The following ST8SIA5 variants were observed in gnomAD, a reference collection of about 807,000 sequenced individuals.
ST8SIA5 encodes the protein alpha-2,8-sialyltransferase 8E.
ST8SIA5 carries 24 observed loss-of-function variants against 40.2 expected under a neutral mutation model. That is an observed-to-expected ratio of 0.60 (90% confidence interval 0.43 to 0.84). The LOEUF (loss-of-function observed/expected upper bound fraction) is 0.84, where lower values mean the gene tolerates loss of function less well. Ranked by LOEUF, ST8SIA5 falls within the 40% of genes least tolerant of loss-of-function variation. The pLI, the probability that ST8SIA5 is intolerant of heterozygous loss-of-function variation, is 0.00. For missense variants in ST8SIA5, 465 were observed against 498.5 expected, an observed-to-expected ratio of 0.93 and a Z score of 0.64; for synonymous variants, 198 against 201.8, an observed-to-expected ratio of 0.98 and a Z score of 0.16.
intron 1 of ST8SIA5, among the ~76,000 whole-genome samples, chr18:46,745,653 T>A (rs978593231): frequency 1.3e-5 from 2 of 152,204 alleles, no homozygotes; most frequent in Non-Finnish European, 2.9e-5. Context: ...GAGGAGCTGG[T>A]ACCATTCCTT....
chr18:46,718,343 AAAG>A (rs2039815046), intron 1 of ST8SIA5, among the ~76,000 whole-genome samples: 1 of 151,656 alleles, frequency 6.6e-6, no homozygotes, highest in African/African-American at 2.4e-5. Context: ...AAAAAAAAAA[AAAG>A]AAAAAAAATT....
chr18:46,755,046 G>A (rs1322139718), intron 1 of ST8SIA5, among the ~76,000 whole-genome samples: 3 of 152,238 alleles, frequency 2.0e-5, no homozygotes, highest in African/African-American at 7.2e-5. Context: ...ACAGCACTCA[G>A]GAGCTGCCAC....
intron 2 of ST8SIA5, among the ~76,000 whole-genome samples, chr18:46,703,543 C>G (rs1277172881): frequency 6.6e-6 from 1 of 152,102 alleles, no homozygotes; most frequent in Non-Finnish European, 1.5e-5. Flanking sequence ...CCAGAGTCAG[C>G]TTTAGATCTC....
intron 1 of ST8SIA5, among the ~76,000 whole-genome samples, chr18:46,726,850 G>A (rs1034898179): frequency 4.6e-5 from 7 of 152,264 alleles, no homozygotes; most frequent in South Asian, 2.1e-4. Context: ...CCCAGGAGGC[G>A]GAGGTTGCAG....
At chr18:46,693,180 A>G (rs1267569135) in intron 2 of ST8SIA5, among the ~76,000 whole-genome samples, 1 of 151,196 alleles carries the variant, frequency 6.6e-6, no homozygotes, top group African/African-American at 2.4e-5. Context: ...ATTAAAACAA[A>G]TCCCAGAAAC....
chr18:46,752,410 CA>C (rs910145040), intron 1 of ST8SIA5, among the ~76,000 whole-genome samples: 2 of 152,176 alleles, frequency 1.3e-5, no homozygotes, highest in African/African-American at 2.4e-5. Flanking sequence ...TTTGTTCAAT[CA>C]ATCAAAACAG....
chr18:46,682,634 G>T (rs1392745974), intron 5 of ST8SIA5, among the ~76,000 whole-genome samples: 2 of 152,232 alleles, frequency 1.3e-5, no homozygotes, highest in African/African-American at 4.8e-5. Flanking sequence ...CCTGGAACCT[G>T]TGACTATGCA....
rs375411804 is a variant in ST8SIA5 at position 46,680,213 on chromosome 18, G to A, written c.960C>T (p.Gly320=). The part of the protein sequence containing the change: ...LELCEEVHLF[G]FWAFPMNPSG... Reference sequence around the variant, plus strand: ...AGGGGTTCATGGGGAAGGCCCAGAAGCCAAAGAGGTGCACCTCCTCACAGA... The same window carrying A: ...AGGGGTTCATGGGGAAGGCCCAGAAACCAAAGAGGTGCACCTCCTCACAGA... Residue 320 remains glycine, a synonymous_variant, in exon 7 of 7, where the codon GGC becomes GGT. Coordinates refer to ENST00000315087, the MANE Select transcript of ST8SIA5 (RefSeq NM_013305.6). The A allele has an allele frequency of 5.0e-6, 8 of 1,614,108 alleles. No individual in the cohort carries two copies. The African/African-American group carries it at 8.0e-5, about 16-fold the overall frequency.
intron 1 of ST8SIA5, among the ~76,000 whole-genome samples, chr18:46,712,115 T>C (rs1476056194): frequency 1.3e-5 from 2 of 152,132 alleles, no homozygotes; most frequent in East Asian, 3.9e-4. Context: ...CCAGATCCAG[T>C]GTTTAACATA....
rs140318174 is a variant in ST8SIA5, at chr18:46,713,223, G to A, written c.132-8559C>T. ...CAAAGAAAGTGGGGAGAAGGAGACA[G>A]ACCCATGAAATAGTTTAGGAATGGA... On this transcript the variant is annotated intron_variant, in intron 1 of 6. Coordinates refer to ENST00000315087, the MANE Select transcript of ST8SIA5 (RefSeq NM_013305.6). Among the ~76,000 whole-genome samples the A allele has an allele frequency of 2.0e-5, 3 of 152,330 alleles. 1 individual carries two copies. The highest frequency in any genetic ancestry group is 4.1e-4 in the South Asian group (2 of 4,828).
intron 1 of ST8SIA5, among the ~76,000 whole-genome samples, chr18:46,710,547 T>C (rs1419350931): frequency 7.6e-6 from 1 of 131,938 alleles, no homozygotes; most frequent in African/African-American, 3.0e-5. Flanking sequence ...TCTTTCTCTC[T>C]TTTTTTTTTT....
rs1382097596 is a variant in ST8SIA5, at chr18:46,670,731, C to T, written c.*9311G>A. 6.6e-6 allele frequency: 1 copy of T among 151,930 alleles called. No homozygotes were observed. Among genetic ancestry groups the T allele is most frequent in the African/African-American group, 2.4e-5 (1 of 41,342 alleles). The allele number at this position is 151,930 out of a possible 1,614,324, so 9.4% of individuals were successfully genotyped here. Reference sequence around the variant, plus strand: ...ACAGATGTGAGCCACCATGCCTGGACATATTTTCTTATCCTTAATGTAGTG... The same window carrying T: ...ACAGATGTGAGCCACCATGCCTGGATATATTTTCTTATCCTTAATGTAGTG... On this transcript the variant is annotated 3_prime_UTR_variant, in exon 7 of 7. Coordinates refer to ENST00000315087, the MANE Select transcript of ST8SIA5 (RefSeq NM_013305.6).
chr18:46,747,114 C>T (rs1244998059), intron 1 of ST8SIA5, among the ~76,000 whole-genome samples: 1 of 152,086 alleles, frequency 6.6e-6, no homozygotes, highest in South Asian at 2.1e-4. Flanking sequence ...AACCATAAAA[C>T]CCCTAGAAGA....
In ST8SIA5 at chr18:46,675,282, C is replaced by G. The variant is rs1185277990; in HGVS notation, c.*4760G>C. Reference sequence around the variant, plus strand: ...GCTGGGCACTGTGCTAGGCATTGTGCAACACTATTTCACTTAGCTTTGCAA... The same window carrying G: ...GCTGGGCACTGTGCTAGGCATTGTGGAACACTATTTCACTTAGCTTTGCAA... On this transcript the variant is annotated 3_prime_UTR_variant, in exon 7 of 7. Transcript: ENST00000315087. The G allele has an allele frequency of 3.3e-5, 5 of 152,204 alleles. No homozygotes were observed. In the South Asian group the frequency reaches 8.3e-4, roughly 25 times the overall value. 9.4% of individuals were successfully genotyped at this position (152,204 alleles called of 1,614,324 possible).
chr18:46,702,234 T>G (rs991062591), intron 2 of ST8SIA5, among the ~76,000 whole-genome samples: 9 of 151,952 alleles, frequency 5.9e-5, no homozygotes, highest in Admixed American at 2.6e-4. Context: ...ATTTGCACAG[T>G]AAAACATGGA....
intron 1 of ST8SIA5, among the ~76,000 whole-genome samples, chr18:46,710,921 C>A (rs2039725890): frequency 6.6e-6 from 1 of 152,156 alleles, no homozygotes; most frequent in Non-Finnish European, 1.5e-5. Flanking sequence ...TGATGGTACT[C>A]CAGAGAATAG....
At chr18:46,736,173 T>C (rs942789478) in intron 1 of ST8SIA5, among the ~76,000 whole-genome samples, 2 of 152,210 alleles carry the variant, frequency 1.3e-5, no homozygotes, top group Non-Finnish European at 2.9e-5. Context: ...TTGTATTATG[T>C]CTTCGAAATC....
At chr18:46,706,704 T>C (rs1360846977) in intron 1 of ST8SIA5, among the ~76,000 whole-genome samples, 1 of 152,224 alleles carries the variant, frequency 6.6e-6, no homozygotes, top group African/African-American at 2.4e-5. Context: ...GGTAGGGTTC[T>C]GGATGCAATT....
chr18:46,710,391 CTTTCTTTCT>C (rs1419496906), intron 1 of ST8SIA5, among the ~76,000 whole-genome samples: 2 of 139,574 alleles, frequency 1.4e-5, no homozygotes, highest in Non-Finnish European at 3.0e-5. Context: ...TTCTTTCTTT[CTTTCTTTCT>C]TTCTTTCTTT....
Sources: gnomAD v4.1 joint callset for allele counts (sites outside exome capture counted in the v4.1 genomes callset) on GRCh38, gnomAD v4.1.1 for gene constraint, MANE v1.5 for transcripts, NCBI Gene and HGNC (gene_info 2026-07-23, HGNC 2026-07-21) for gene names.